The following FGGY variants were observed in gnomAD, a reference collection of about 807,000 sequenced individuals.
The protein encoded by FGGY is FGGY carbohydrate kinase domain-containing protein.
Under a neutral mutation model 71.3 loss-of-function variants are expected in FGGY, and 72 were observed. That is an observed-to-expected ratio of 1.01 (90% CI 0.84 to 1.23). FGGY has a LOEUF of 1.23. Ranked by LOEUF, FGGY falls within the 50% of genes most tolerant of loss-of-function variation. The probability of loss-of-function intolerance (pLI) is 0.00; values close to 1 mark genes in which losing one functional copy is unlikely to be tolerated. For synonymous variants in FGGY, 251 were observed against 250.3 expected, an observed-to-expected ratio of 1.00 and a Z score of -0.02; for missense variants, 668 against 682.3, an observed-to-expected ratio of 0.98 and a Z score of 0.23.
At chr1:59,298,616 C>T (rs1339252068) in intron 1 of FGGY, among the ~76,000 whole-genome samples, 1 of 152,150 alleles carries the variant, frequency 6.6e-6, no homozygotes, top group East Asian at 1.9e-4. Flanking sequence ...GTTCCCTTTA[C>T]CTAACCTTTC....
chr1:59,330,059 G>A (rs2048169147), intron 2 of FGGY, among the ~76,000 whole-genome samples: 1 of 152,096 alleles, frequency 6.6e-6, no homozygotes, highest in African/African-American at 2.4e-5. Flanking sequence ...ACAGTGCCTT[G>A]TACGTCTCTT....
In FGGY at chr1:59,396,944, A is replaced by G. The variant is rs564090998; in HGVS notation, c.554+18107A>G. Among the ~76,000 whole-genome samples the G allele has an allele frequency of 2.6e-5, 4 of 152,322 alleles. No individual in the cohort carries two copies. In the South Asian group the frequency reaches 8.3e-4, roughly 32 times the overall value. On this transcript the variant is annotated intron_variant, in intron 5 of 15. Transcript: ENST00000303721. ...AGCAACAAGGAATCCACAGCATTCC[A>G]CAATGGCTGGTATTCCAAGGATCGA...
intron 7 of FGGY, among the ~76,000 whole-genome samples, chr1:59,538,851 G>T (rs1238712027): frequency 8.3e-6 from 1 of 120,462 alleles, no homozygotes; most frequent in Non-Finnish European, 1.7e-5. Context: ...GTTGTGGGGT[G>T]GGGGGAGGGG....
intron 1 of FGGY, among the ~76,000 whole-genome samples, chr1:59,311,547 T>C (rs1045764468): frequency 1.3e-4 from 20 of 152,198 alleles, no homozygotes; most frequent in African/African-American, 4.3e-4. Context: ...CCAGCTTCAT[T>C]CATATCCCTG....
At chr1:59,685,871 T>C (rs2097540215) in intron 14 of FGGY, among the ~76,000 whole-genome samples, 1 of 152,226 alleles carries the variant, frequency 6.6e-6, no homozygotes, top group Non-Finnish European at 1.5e-5. Flanking sequence ...CCTAGGGGGT[T>C]ACTTTGACTG....
At position 59,420,822 on chromosome 1, in the gene FGGY, T is replaced by A. The variant is rs2065271529; in HGVS notation, c.555-36139T>A. 2.0e-5 allele frequency among the ~76,000 whole-genome samples: 3 copies of A among 151,884 alleles called. No individual in the cohort carries two copies. The South Asian group carries it at 6.3e-4, about 32-fold the overall frequency. On this transcript the variant is annotated intron_variant, in intron 5 of 15. Coordinates refer to ENST00000303721, the MANE Select transcript of FGGY (RefSeq NM_018291.5). Reference sequence around the variant, plus strand: ...TTCTCTTTGATGACACTAACAGAAATGGGTGATCCCAGTAATCACAAAGAG... The same window carrying A: ...TTCTCTTTGATGACACTAACAGAAAAGGGTGATCCCAGTAATCACAAAGAG...
intron 14 of FGGY, among the ~76,000 whole-genome samples, chr1:59,735,011 C>T (rs1334517171): frequency 6.6e-6 from 1 of 152,356 alleles, no homozygotes; most frequent in East Asian, 1.9e-4. Context: ...AACCTTGCCT[C>T]ATCTATCTGG....
chr1:59,298,228 T>C (rs2153071123), intron 1 of FGGY, among the ~76,000 whole-genome samples: 1 of 152,340 alleles, frequency 6.6e-6, no homozygotes, highest in East Asian at 1.9e-4. Context: ...GAGTCTCCTG[T>C]TAATGGGGCC....
At chr1:59,621,942 G>T (rs1259050807) in intron 9 of FGGY, among the ~76,000 whole-genome samples, 1 of 151,090 alleles carries the variant, frequency 6.6e-6, no homozygotes, top group East Asian at 1.9e-4. Context: ...TGGTACCTTT[G>T]GCTATTGTCT....
At chr1:59,300,210 C>T (rs2042553410) in intron 1 of FGGY, among the ~76,000 whole-genome samples, 1 of 152,096 alleles carries the variant, frequency 6.6e-6, no homozygotes, top group Admixed American at 6.5e-5. Flanking sequence ...TCTATGAAAA[C>T]CATCATGACC....
chr1:59,555,267 G>A (rs1286055538), intron 8 of FGGY, among the ~76,000 whole-genome samples: 3 of 152,186 alleles, frequency 2.0e-5, no homozygotes, highest in Non-Finnish European at 4.4e-5. Flanking sequence ...CATCTGTTAT[G>A]TGCCAAGCAA....
intron 4 of FGGY, among the ~76,000 whole-genome samples, chr1:59,365,121 A>G (rs77188786): frequency 0.017 from 2,551 of 152,166 alleles, 70 homozygotes; most frequent in African/African-American, 0.058. Context: ...TTTGAATTGG[A>G]GTTTCAGATT....
rs772095974 is a variant in FGGY, at chr1:59,607,902, G to T, written c.1003G>T (p.Gly335Ter). Residue 335 changes from glycine (G) to a stop codon, truncating the protein, a stop_gained, in exon 9 of 16, where the codon GGA (glycine) becomes TGA (stop). Transcript: ENST00000303721. LOFTEE classifies it high-confidence loss of function. ...GAATGAAGGTGGTCAGAGCGTTACT[G>T]GAAAATTGGTAAGTTGACACTTTCT... Reference protein sequence around the residue: ...WLNEGGQSVTGKLIDHMVQGH... With the variant: ...WLNEGGQSVT 2 of 1,613,430 alleles carry T rather than the reference G, an allele frequency of 1.2e-6. No homozygotes were observed. Among genetic ancestry groups the T allele is most frequent in the Non-Finnish European group, 1.7e-6 (2 of 1,179,486 alleles).
chr1:59,586,678 G>A (rs561108825), intron 8 of FGGY, among the ~76,000 whole-genome samples: 7 of 152,200 alleles, frequency 4.6e-5, no homozygotes, highest in South Asian at 2.1e-4. Context: ...AAAAGACCAC[G>A]TGAAATGAGC....
At chr1:59,656,710 A>C (rs973091629) in intron 11 of FGGY, among the ~76,000 whole-genome samples, 3 of 152,142 alleles carry the variant, frequency 2.0e-5, no homozygotes, top group Admixed American at 2.0e-4. Flanking sequence ...TTCCCTTTTG[A>C]TACTGAATAC....
Position 59,638,358 on chromosome 1 carries a change from C to A in FGGY, c.1204C>A (p.Leu402Met). 1 of 1,614,206 alleles carries A rather than the reference C, an allele frequency of 6.2e-7. No homozygotes were observed. The highest frequency in any genetic ancestry group is 8.5e-7 in the Non-Finnish European group (1 of 1,180,038). Residue 402 changes from leucine to methionine, a missense_variant, in exon 11 of 16, where the codon CTG becomes ATG. By Grantham distance (15) the Leu-to-Met change is conservative (BLOSUM62 2). Coordinates refer to ENST00000303721, the MANE Select transcript of FGGY (RefSeq NM_018291.5). Reference sequence around the variant, plus strand: ...TGGCAACCGGTCTCCCTTAGCAGATCTGACACTAAAGGGCATGGTAAGTAA... The same window carrying A: ...TGGCAACCGGTCTCCCTTAGCAGATATGACACTAAAGGGCATGGTAAGTAA... ...FHGNRSPLADLTLKGMVTGLK... is the reference protein window; with the variant it reads ...FHGNRSPLADMTLKGMVTGLK...
intron 7 of FGGY, among the ~76,000 whole-genome samples, chr1:59,539,083 A>G (rs891201273): frequency 6.6e-6 from 1 of 152,220 alleles, no homozygotes; most frequent in Non-Finnish European, 1.5e-5. Context: ...TGTGTAAGAC[A>G]TCTATGCAGA....
At chr1:59,474,482 T>G (rs969055737) in intron 6 of FGGY, among the ~76,000 whole-genome samples, 2 of 152,234 alleles carry the variant, frequency 1.3e-5, no homozygotes, top group African/African-American at 4.8e-5. Context: ...TTCTGACTCT[T>G]AGTCCTGTGG....
intron 6 of FGGY, among the ~76,000 whole-genome samples, chr1:59,488,843 A>G (rs1003682493): frequency 6.6e-6 from 1 of 151,994 alleles, no homozygotes; most frequent in African/African-American, 2.4e-5. Flanking sequence ...AAAAGGTATA[A>G]ATTTTTAAGG....
Sources: allele counts gnomAD v4.1 joint callset (sites outside exome capture counted in the v4.1 genomes callset), GRCh38; gene constraint gnomAD v4.1.1; transcripts MANE v1.5; gene names NCBI Gene and HGNC (gene_info 2026-07-23, HGNC 2026-07-21).